The following KIDINS220 variants were observed in gnomAD, a reference collection of about 807,000 sequenced individuals.
The protein encoded by KIDINS220 is kinase D-interacting substrate of 220 kDa.
In KIDINS220, 63 loss-of-function variants were observed where a neutral mutation model predicts 157.6. The ratio of observed to expected loss-of-function variants is 0.40; its 90% CI spans 0.33 to 0.49. KIDINS220 has a LOEUF of 0.49. Ranked by LOEUF, KIDINS220 falls within the 20% of genes least tolerant of loss-of-function variation. The pLI, the probability that KIDINS220 is intolerant of heterozygous loss-of-function variation, is 0.66. For missense variants in KIDINS220, 1,772 were observed against 2,171.2 expected, an observed-to-expected ratio of 0.82 and a Z score of 3.65; for synonymous variants, 732 against 783.6, an observed-to-expected ratio of 0.93 and a Z score of 1.10.
chr2:8,770,872 T>G (rs750389724), intron 21 of KIDINS220, 40 bp from the exon 22 acceptor site: 2 of 1,255,242 alleles, frequency 1.6e-6, no homozygotes, highest in Admixed American at 4.3e-5. Flanking sequence ...TTAATAGATG[T>G]GTGATAGTAT....
rs1437327249 is a variant in KIDINS220 at position 8,733,530 on chromosome 2, G to T, written c.3967C>A (p.Pro1323Thr). ...LPHTELSSQT[P>T]YTLNFSFEEL... ...TCGAAGCTGAAGTTGAGTGTGTAGGGCGTCTGGCTGGAGAGCTCGGTGTGA... is the reference window on the plus strand; with the variant it reads ...TCGAAGCTGAAGTTGAGTGTGTAGGTCGTCTGGCTGGAGAGCTCGGTGTGA... The change falls in exon 29 of 30, where the codon CCC becomes ACC. Residue 1323 changes from proline (P) to threonine (T), a missense_variant. Physicochemically the swap from Pro to Thr is conservative, Grantham distance 38 (BLOSUM62 -1). Transcript: ENST00000256707. 1.2e-6 allele frequency: 2 copies of T among 1,614,026 alleles called. No individual in the cohort carries two copies. The highest frequency in any genetic ancestry group is 3.3e-5 in the Admixed American group (2 of 60,000).
chr2:8,725,999 CAG>C (rs1244099279), downstream of KIDINS220, among the ~76,000 whole-genome samples: 4 of 152,194 alleles, frequency 2.6e-5, no homozygotes, highest in African/African-American at 9.6e-5. Context: ...GCTCCGCAGG[CAG>C]ACTCAGAATA....
At position 8,812,437 on chromosome 2, in the gene KIDINS220, A is replaced by T. The variant is rs200397032; in HGVS notation, c.462T>A (p.His154Gln). The change falls in exon 6 of 30, where the codon CAT becomes CAA. Residue 154 changes from histidine to glutamine, a missense_variant. His to Gln is a conservative substitution (Grantham distance 24, BLOSUM62 0). Transcript: ENST00000256707. Reference sequence around the variant, plus strand: ...CTTTAGCACCATTTTGCAGTAAAAGATGAACTATATCTGCATGGCCTCTCC... The same window carrying T: ...CTTTAGCACCATTTTGCAGTAAAAGTTGAACTATATCTGCATGGCCTCTCC... Reference protein sequence around the residue: ...AAGRGHADIVHLLLQNGAKVN... With the variant: ...AAGRGHADIVQLLLQNGAKVN... The T allele has an allele frequency of 3.8e-5, 60 of 1,599,154 alleles. No individual in the cohort carries two copies. Among genetic ancestry groups the T allele is most frequent in the Non-Finnish European group, 3.8e-5 (44 of 1,172,664 alleles).
At chr2:8,809,414 G>T (rs190701930) in intron 6 of KIDINS220, among the ~76,000 whole-genome samples, 11 of 151,706 alleles carry the variant, frequency 7.3e-5, no homozygotes, top group African/African-American at 2.4e-4. Context: ...TTGAATTTTT[G>T]ATTCATTCAC....
chr2:8,730,438 C>A lies in KIDINS220; in HGVS notation c.*282G>T. The A allele has an allele frequency of 8.1e-7, 1 of 1,231,914 alleles. No homozygotes were observed. Among genetic ancestry groups the A allele is most frequent in the Non-Finnish European group, 1.0e-6 (1 of 987,574 alleles). 76.3% of individuals were successfully genotyped at this position (1,231,914 alleles called of 1,614,324 possible). A position where few individuals can be genotyped will look rare whatever the true frequency, so the allele number is the denominator to read the frequency against. ...GACCTATCTTTATACTCAGATCTCA[C>A]CTCGTCTCAAAAAGTTTTATGGGGT... On this transcript the variant is annotated 3_prime_UTR_variant, in exon 30 of 30. Coordinates refer to ENST00000256707, the MANE Select transcript of KIDINS220 (RefSeq NM_020738.4).
intron 21 of KIDINS220, among the ~76,000 whole-genome samples, chr2:8,775,545 G>C (rs1397605219): frequency 6.6e-6 from 1 of 152,182 alleles, no homozygotes. Flanking sequence ...GGTCAAATAA[G>C]ATGAGCACTG....
At chr2:8,830,748 A>G (rs1679502402) in intron 1 of KIDINS220, among the ~76,000 whole-genome samples, 3 of 152,192 alleles carry the variant, frequency 2.0e-5, no homozygotes, top group Non-Finnish European at 2.9e-5. Context: ...CACCAGAGAA[A>G]GCAGGCTATT....
chr2:8,739,843 C>A (rs985443532), intron 26 of KIDINS220, among the ~76,000 whole-genome samples: 6 of 152,182 alleles, frequency 3.9e-5, no homozygotes, highest in African/African-American at 1.4e-4. Context: ...ACAAAATTTA[C>A]ACAGATCAGA....
At chr2:8,744,020 T>C (rs964135437) in intron 26 of KIDINS220, among the ~76,000 whole-genome samples, 1 of 149,748 alleles carries the variant, frequency 6.7e-6, no homozygotes, top group African/African-American at 2.4e-5. Context: ...TATAGATATA[T>C]CCAACTGTTT....
intron 17 of KIDINS220, among the ~76,000 whole-genome samples, chr2:8,783,221 A>G (rs537314673): frequency 6.6e-6 from 1 of 150,582 alleles, no homozygotes; most frequent in South Asian, 2.1e-4. Context: ...GAAACAGGCT[A>G]AAGAAGAAAG....
chr2:8,746,497 C>T (rs1373145982), intron 26 of KIDINS220: 3 of 148,130 alleles, frequency 2.0e-5, no homozygotes, highest in Non-Finnish European at 3.0e-5. Context: ...TTTAAAGAAA[C>T]CTACCTTAAG....
chr2:8,736,833 G>A (rs759741438), intron 27 of KIDINS220, 35 bp downstream of exon 27: 14 of 1,610,652 alleles, frequency 8.7e-6, no homozygotes, highest in East Asian at 4.5e-5. Flanking sequence ...CGCCCCCAGC[G>A]CTGTCTCTGG....
At position 8,818,771 on chromosome 2, in the gene KIDINS220, A is replaced by T. The variant is rs1295424656; in HGVS notation, c.131T>A (p.Ile44Lys). The change falls in exon 3 of 30, where the codon ATA (isoleucine) becomes AAA (lysine). Residue 44 changes from isoleucine (I) to lysine (K), a missense_variant. Physicochemically the swap from Ile to Lys is moderately radical, Grantham distance 102 (BLOSUM62 -3). Around this residue, in one of 3 missense-constraint regions of KIDINS220, gnomAD observed 254 missense variants for 268.6 expected, o/e 0.95. Coordinates refer to ENST00000256707, the MANE Select transcript of KIDINS220 (RefSeq NM_020738.4). ...RNECGQTPLMIAAEQGNLEIV... is the reference protein window; with the variant it reads ...RNECGQTPLMKAAEQGNLEIV... ...TTCCAGATTGCCTTGTTCGGCAGCT[A>T]TCATCAGTGGAGTCTGGCCACACTA... is the stretch of plus-strand genomic sequence containing the variant. The T allele has an allele frequency of 6.2e-7, 1 of 1,609,086 alleles. No homozygotes were observed. The highest frequency in any genetic ancestry group is 1.3e-5 in the African/African-American group (1 of 74,818).
chr2:8,727,096 T>A, downstream of KIDINS220: 1 of 1,048,272 alleles, frequency 9.5e-7, no homozygotes. Context: ...TTCAGTTGCA[T>A]AATTATGGCC....
At chr2:8,734,025 T>C (rs1426858791) in intron 28 of KIDINS220, among the ~76,000 whole-genome samples, 1 of 152,158 alleles carries the variant, frequency 6.6e-6, no homozygotes, top group African/African-American at 2.4e-5. Flanking sequence ...CCAGATTTTA[T>C]TCAGAACTAT....
At chr2:8,732,063 G>T in intron 29 of KIDINS220, 81 bp from the exon 30 acceptor site, 2 of 1,217,324 alleles carry the variant, frequency 1.6e-6, no homozygotes, top group Non-Finnish European at 2.2e-6. Context: ...AAATATATAT[G>T]TACACTAACC....
Position 8,818,717 on chromosome 2 carries a change from G to A in KIDINS220, c.185C>T (p.Ala62Val). 1 of 1,592,352 alleles carries A rather than the reference G, an allele frequency of 6.3e-7. No individual in the cohort carries two copies. Reference protein sequence around the residue: ...EIVKELIKNGANCNLEDLDNW... With the variant: ...EIVKELIKNGVNCNLEDLDNW... ...TACCAAATCTTCCAGATTGCAGTTA[G>A]CTCCATTCTTAATTAATTCCTTCAC... is the stretch of plus-strand genomic sequence containing the variant. Residue 62 changes from alanine to valine, a missense_variant, in exon 3 of 30, where the codon GCT (alanine) becomes GTT (valine). Physicochemically the swap from Ala to Val is moderately conservative, Grantham distance 64. Around this residue, in one of 3 missense-constraint regions of KIDINS220, gnomAD observed 254 missense variants for 268.6 expected, o/e 0.95. Transcript: ENST00000256707.
intron 22 of KIDINS220, among the ~76,000 whole-genome samples, chr2:8,770,168 C>T (rs1670000736): frequency 6.6e-6 from 1 of 152,110 alleles, no homozygotes; most frequent in Non-Finnish European, 1.5e-5. Flanking sequence ...CTTTGGGAGG[C>T]CAAGACAGGA....
intron 22 of KIDINS220, among the ~76,000 whole-genome samples, chr2:8,755,523 A>G (rs1350937014): frequency 6.6e-6 from 1 of 152,242 alleles, no homozygotes; most frequent in Non-Finnish European, 1.5e-5. Context: ...CTACACATGC[A>G]CACAAAGGTG....
Sources: allele counts gnomAD v4.1 joint callset (sites outside exome capture counted in the v4.1 genomes callset), GRCh38; gene constraint gnomAD v4.1.1; regional missense constraint gnomAD v4.1.1; transcripts MANE v1.5; gene names NCBI Gene and HGNC (gene_info 2026-07-23, HGNC 2026-07-21).